CXCL16: variants seen among roughly 807,000 people sequenced by gnomAD.
The protein encoded by CXCL16 is C-X-C motif chemokine ligand 16, also known as C-X-C motif chemokine 16.
CXCL16 carries 18 observed loss-of-function variants against 23.8 expected under a neutral mutation model. The ratio of observed to expected loss-of-function variants is 0.76; its 90% CI spans 0.52 to 1.12. The LOEUF is 1.12. CXCL16 is among the 50% of genes most tolerant of loss of function. The pLI is 0.00. For missense variants in CXCL16, 297 were observed against 315.4 expected, an observed-to-expected ratio of 0.94 and a Z score of 0.44; for synonymous variants, 123 against 132.5, an observed-to-expected ratio of 0.93 and a Z score of 0.49.
intron 3 of CXCL16, among the ~76,000 whole-genome samples, chr17:4,736,983 A>C (rs1335000833): frequency 2.0e-5 from 3 of 151,770 alleles, no homozygotes; most frequent in African/African-American, 7.3e-5. Context: ...ATGCCTGGCT[A>C]ATTTTGTATT....
rs370461293 is a variant in CXCL16 at position 4,738,494 on chromosome 17, C to A, written c.219-4G>T. 15 of 1,610,016 alleles carry A rather than the reference C, an allele frequency of 9.3e-6. No homozygotes were observed. In the African/African-American group the frequency reaches 1.1e-4, roughly 11 times the overall value. On this transcript the variant is annotated splice_region_variant and splice_polypyrimidine_tract_variant and intron_variant, in intron 2 of 5. Coordinates refer to ENST00000293778, the MANE Select transcript of CXCL16 (RefSeq NM_001386809.1). The surrounding 1 kb of genome is among the most constrained non-coding windows in gnomAD (Gnocchi z 4.0). ...GCTCCAGGAAAGGAGCTGGAACCTGCGGAGGAGAGACCTGGGCTTAGCTGC... is the reference window on the plus strand; with the variant it reads ...GCTCCAGGAAAGGAGCTGGAACCTGAGGAGGAGAGACCTGGGCTTAGCTGC...
Position 4,738,144 on chromosome 17 carries a change from A to T in CXCL16, c.301+264T>A, listed in dbSNP as rs964753757. ...GACTCCATCTCAAAAAAATAAAATAAAATAGTACTTTGATTTCAAGAAAAA... is the reference window on the plus strand; with the variant it reads ...GACTCCATCTCAAAAAAATAAAATATAATAGTACTTTGATTTCAAGAAAAA... On this transcript the variant is annotated intron_variant, in intron 3 of 5. Transcript: ENST00000293778. This position sits in a 1 kb window ranked among gnomAD's most constrained non-coding sequence, Gnocchi z 4.0. 6.6e-6 allele frequency among the ~76,000 whole-genome samples: 1 copy of T among 152,288 alleles called. No homozygotes were observed. Among genetic ancestry groups the T allele is most frequent in the East Asian group, 1.9e-4 (1 of 5,182 alleles).
intron 3 of CXCL16, among the ~76,000 whole-genome samples, chr17:4,736,699 C>G (rs549490537): frequency 6.6e-6 from 1 of 152,202 alleles, no homozygotes; most frequent in South Asian, 2.1e-4. Context: ...GACACAGATC[C>G]TACAAAACTT....
rs568398938 is a variant in CXCL16 at position 4,738,828 on chromosome 17, G to T, written c.172C>A (p.Leu58Ile). 1.8e-5 allele frequency: 29 copies of T among 1,614,198 alleles called. No homozygotes were observed. The South Asian group carries it at 3.2e-4, about 18-fold the overall frequency. The change falls in exon 2 of 6, where the codon CTC (leucine) becomes ATC (isoleucine). Residue 58 changes from leucine to isoleucine, a missense_variant. Leu to Ile is a conservative substitution (Grantham distance 5, BLOSUM62 2). Coordinates refer to ENST00000293778, the MANE Select transcript of CXCL16 (RefSeq NM_001386809.1). The surrounding 1 kb of genome is among the most constrained non-coding windows in gnomAD (Gnocchi z 4.0). Reference sequence around the variant, plus strand: ...TGGTAAGCTCTCAGGTGTTTCCGGAGACGATTCATGAACTGAACCGATGGC... The same window carrying T: ...TGGTAAGCTCTCAGGTGTTTCCGGATACGATTCATGAACTGAACCGATGGC... ...SPPSVQFMNR[L>I]RKHLRAYHRC...
In CXCL16 at chr17:4,738,516, C is replaced by T; in HGVS notation, c.219-26G>A. On this transcript the variant is annotated intron_variant, in intron 2 of 5. Coordinates refer to ENST00000293778, the MANE Select transcript of CXCL16 (RefSeq NM_001386809.1). The surrounding 1 kb of genome is among the most constrained non-coding windows in gnomAD (Gnocchi z 4.0). Reference sequence around the variant, plus strand: ...CTGCGGAGGAGAGACCTGGGCTTAGCTGCGGCGCCTTCTTTCCTTCCCCGG... The same window carrying T: ...CTGCGGAGGAGAGACCTGGGCTTAGTTGCGGCGCCTTCTTTCCTTCCCCGG... 2 of 1,561,840 alleles carry T rather than the reference C, an allele frequency of 1.3e-6. No individual in the cohort carries two copies. Among genetic ancestry groups the T allele is most frequent in the Non-Finnish European group, 1.8e-6 (2 of 1,135,694 alleles).
At chr17:4,735,968 G>A (rs1916146415) in intron 3 of CXCL16, among the ~76,000 whole-genome samples, 1 of 152,138 alleles carries the variant, frequency 6.6e-6, no homozygotes, top group African/African-American at 2.4e-5. Context: ...AGCTACATGG[G>A]AGGCTGAGGC....
intron 5 of CXCL16, 30 bp downstream of exon 5, chr17:4,734,551 TAC>T (rs1199059377): frequency 6.9e-7 from 1 of 1,440,412 alleles, no homozygotes; most frequent in Non-Finnish European, 9.8e-7. Context: ...TCTCCTTTAT[TAC>T]ACTTTTTGTA....
In CXCL16 at chr17:4,735,073, G is replaced by A. The variant is rs749254763; in HGVS notation, c.718+19C>T. Reference sequence around the variant, plus strand: ...AAGGCTCTGGGTCCCTGGGGGGAGGGTTCAAAGGTCCAGTTTACCTGGAGA... The same window carrying A: ...AAGGCTCTGGGTCCCTGGGGGGAGGATTCAAAGGTCCAGTTTACCTGGAGA... On this transcript the variant is annotated intron_variant, in intron 4 of 5. Coordinates refer to ENST00000293778, the MANE Select transcript of CXCL16 (RefSeq NM_001386809.1). 5 of 1,591,316 alleles carry A rather than the reference G, an allele frequency of 3.1e-6. No homozygotes were observed. The Admixed American group carries it at 8.4e-5, about 27-fold the overall frequency.
intron 3 of CXCL16, chr17:4,736,196 G>A (rs984993491): frequency 7.2e-5 from 11 of 152,282 alleles, no homozygotes; most frequent in African/African-American, 2.7e-4. Context: ...GGACCCATCT[G>A]AAATGAGAGC....
Position 4,739,119 on chromosome 17 carries a change from C to T in CXCL16, c.79+142G>A. ...AGCCAGGCGTCCCCGGGCCTCTGTCCCCAACCCCAGGCGGCTGGCTGGCTT... is the reference window on the plus strand; with the variant it reads ...AGCCAGGCGTCCCCGGGCCTCTGTCTCCAACCCCAGGCGGCTGGCTGGCTT... On this transcript the variant is annotated intron_variant, in intron 1 of 5. Coordinates refer to ENST00000293778, the MANE Select transcript of CXCL16 (RefSeq NM_001386809.1). This position sits in a 1 kb window ranked among gnomAD's most constrained non-coding sequence, Gnocchi z 5.3. 1 of 1,275,428 alleles carries T rather than the reference C, an allele frequency of 7.8e-7. No individual in the cohort carries two copies. The highest frequency in any genetic ancestry group is 1.1e-6 in the Non-Finnish European group (1 of 924,876). The allele number at this position is 1,275,428 out of a possible 1,614,324, so 79.0% of individuals were successfully genotyped here.
Position 4,734,401 on chromosome 17 carries a change from T to C in CXCL16, c.*102A>G, listed in dbSNP as rs1916087942. Reference sequence around the variant, plus strand: ...ATGTGGTAGGTGACGCCTATAATCCTCGCACCTTCAGAGGCCAAGGTGGGA... The same window carrying C: ...ATGTGGTAGGTGACGCCTATAATCCCCGCACCTTCAGAGGCCAAGGTGGGA... On this transcript the variant is annotated 3_prime_UTR_variant, in exon 6 of 6. Coordinates refer to ENST00000293778, the MANE Select transcript of CXCL16 (RefSeq NM_001386809.1). 2.0e-6 allele frequency: 1 copy of C among 490,196 alleles called. No homozygotes were observed. The allele number at this position is 490,196 out of a possible 1,614,324, so 30.4% of individuals were successfully genotyped here.
chr17:4,739,139 T>C lies in CXCL16; in HGVS notation c.79+122A>G. The C allele has an allele frequency of 1.5e-5, 21 of 1,364,830 alleles. No individual in the cohort carries two copies. Among genetic ancestry groups the C allele is most frequent in the Non-Finnish European group, 2.1e-5 (21 of 1,002,260 alleles). 84.5% of individuals were successfully genotyped at this position (1,364,830 alleles called of 1,614,324 possible). On this transcript the variant is annotated intron_variant, in intron 1 of 5. Coordinates refer to ENST00000293778, the MANE Select transcript of CXCL16 (RefSeq NM_001386809.1). This position sits in a 1 kb window ranked among gnomAD's most constrained non-coding sequence, Gnocchi z 5.3. ...CTGTCCCCAACCCCAGGCGGCTGGC[T>C]GGCTTTCCTCTTGTCCCCGCTGCCT...
Position 4,738,811 on chromosome 17 carries a change from T to G in CXCL16, c.189A>C (p.Arg63Ser), listed in dbSNP as rs775438613. The G allele has an allele frequency of 2.5e-5, 41 of 1,613,970 alleles. No individual in the cohort carries two copies. The highest frequency in any genetic ancestry group is 6.7e-5 in the Admixed American group (4 of 59,994). The change falls in exon 2 of 6, where the codon AGA becomes AGC. Residue 63 changes from arginine to serine, a missense_variant. Coordinates refer to ENST00000293778, the MANE Select transcript of CXCL16 (RefSeq NM_001386809.1). This position sits in a 1 kb window ranked among gnomAD's most constrained non-coding sequence, Gnocchi z 4.0. ...QFMNRLRKHLRAYHRCLYYTR... is the reference protein window; with the variant it reads ...QFMNRLRKHLSAYHRCLYYTR... The stretch of plus-strand genomic sequence containing the variant: ...TGTAGTATAGACACCGATGGTAAGC[T>G]CTCAGGTGTTTCCGGAGACGATTCA...
At chr17:4,737,872 C>T (rs1197463341) in intron 3 of CXCL16, among the ~76,000 whole-genome samples, 1 of 151,292 alleles carries the variant, frequency 6.6e-6, no homozygotes, top group Non-Finnish European at 1.5e-5. Context: ...TGGCTCACGC[C>T]TGTAATCCTA....
At position 4,739,286 on chromosome 17, in the gene CXCL16, G is replaced by A. The variant is rs1227114026; in HGVS notation, c.54C>T (p.Leu18=). The A allele has an allele frequency of 1.9e-6, 3 of 1,609,388 alleles. No homozygotes were observed. Among genetic ancestry groups the A allele is most frequent in the African/African-American group, 2.7e-5 (2 of 74,836 alleles). Residue 18 remains leucine, a synonymous_variant, in exon 1 of 6, where the codon CTC becomes CTT. Coordinates refer to ENST00000293778, the MANE Select transcript of CXCL16 (RefSeq NM_001386809.1). The surrounding 1 kb of genome is among the most constrained non-coding windows in gnomAD (Gnocchi z 5.3). The stretch of plus-strand genomic sequence containing the variant: ...CTGGCTGAGTCAGGTACACCAGCAG[G>A]AGCAGAAGCAGGAGCAGGAGCACGC... ...GSRVLLLLLL[L]LLVYLTQPGN... is the part of the protein sequence containing the mutation.
In CXCL16 at chr17:4,739,398, C is replaced by T. The variant is rs574652255; in HGVS notation, c.-59G>A. 6.2e-7 allele frequency: 1 copy of T among 1,611,056 alleles called. No homozygotes were observed. Among genetic ancestry groups the T allele is most frequent in the African/African-American group, 1.3e-5 (1 of 74,844 alleles). ...CACCTCGCTCTGACTCCCAGACATG[C>T]TCCGGCGCGTGACGTCCAGCTGGTG... On this transcript the variant is annotated 5_prime_UTR_variant, in exon 1 of 6. Coordinates refer to ENST00000293778, the MANE Select transcript of CXCL16 (RefSeq NM_001386809.1). The surrounding 1 kb of genome is among the most constrained non-coding windows in gnomAD (Gnocchi z 5.3).
At chr17:4,737,574 T>G (rs1296454584) in intron 3 of CXCL16, among the ~76,000 whole-genome samples, 3 of 31,490 alleles carry the variant, frequency 9.5e-5, no homozygotes, top group East Asian at 1.7e-3. Context: ...CAAGACTCCA[T>G]TAAAAAAAAA....
Position 4,739,665 on chromosome 17 carries a change from C to A in CXCL16, c.-326G>T. 1.4e-6 allele frequency: 1 copy of A among 702,752 alleles called. No individual in the cohort carries two copies. Among genetic ancestry groups the A allele is most frequent in the Non-Finnish European group, 2.1e-6 (1 of 474,864 alleles). The allele number at this position is 702,752 out of a possible 1,614,324, so 43.5% of individuals were successfully genotyped here. On this transcript the variant is annotated 5_prime_UTR_variant, in exon 1 of 6. Coordinates refer to ENST00000293778, the MANE Select transcript of CXCL16 (RefSeq NM_001386809.1). This position sits in a 1 kb window ranked among gnomAD's most constrained non-coding sequence, Gnocchi z 5.3. ...GGAAGAAACCGAAAGAAAACTCCGG[C>A]GGCGGGCGAGGAGGGGCGGGAGGAC...
chr17:4,735,657 GA>G, intron 3 of CXCL16, 149 bp from the exon 4 acceptor site: 2 of 483,162 alleles, frequency 4.1e-6, no homozygotes, highest in South Asian at 1.4e-4. Context: ...ATTAACAAGA[GA>G]AAAGCCTAAC....
Sources: gnomAD v4.1 joint callset for allele counts (sites outside exome capture counted in the v4.1 genomes callset) on GRCh38, gnomAD v4.1.1 for gene constraint, Gnocchi (gnomAD v3.1) non-coding constraint, MANE v1.5 for transcripts, NCBI Gene and HGNC (gene_info 2026-07-23, HGNC 2026-07-21) for gene names.